Variants in RPS6KC1 observed in about 807,000 individuals in gnomAD.
The protein encoded by RPS6KC1 is ribosomal protein S6 kinase C1.
A neutral mutation model predicts 103.8 loss-of-function variants in RPS6KC1; 54 were observed. The observed-to-expected ratio is 0.52, with a 90% confidence interval of 0.42 to 0.65. RPS6KC1 has a LOEUF of 0.65. RPS6KC1 is among the 30% of genes least tolerant of loss of function. RPS6KC1 has a pLI of 0.00. For synonymous variants in RPS6KC1, 439 were observed against 438.7 expected, an observed-to-expected ratio of 1.00 and a Z score of -0.01; for missense variants, 1,151 against 1,253.8, an observed-to-expected ratio of 0.92 and a Z score of 1.24.
chr1:213,185,922 A>G (rs778835662), intron 8 of RPS6KC1, among the ~76,000 whole-genome samples: 1 of 151,714 alleles, frequency 6.6e-6, no homozygotes, highest in Admixed American at 6.6e-5. Flanking sequence ...TACAAAAAAT[A>G]TCTTACAAAT....
chr1:213,225,299 A>G (rs143445552), intron 8 of RPS6KC1, among the ~76,000 whole-genome samples: 22 of 152,320 alleles, frequency 1.4e-4, no homozygotes, highest in Non-Finnish European at 2.9e-4. Context: ...TATTGCCTCA[A>G]TGTGAACGTT....
chr1:213,559,351 G>A, the RPS6KC1 span, among the ~76,000 whole-genome samples: 907 of 152,260 alleles, frequency 6.0e-3, 9 homozygotes, highest in African/African-American at 0.017. Context: ...ATTGAATGCT[G>A]TCCTTTGGCA....
chr1:213,334,825 AT>A, the RPS6KC1 span, among the ~76,000 whole-genome samples: 20 of 152,074 alleles, frequency 1.3e-4, no homozygotes. Flanking sequence ...TTATCTATCC[AT>A]TTCCTGTATC....
the RPS6KC1 span, among the ~76,000 whole-genome samples, chr1:213,792,095 G>C: frequency 2.6e-5 from 4 of 152,012 alleles, no homozygotes. Context: ...CTGTGCCCCT[G>C]GCCCTCCCAC....
At chr1:213,501,976 A>G in the RPS6KC1 span, among the ~76,000 whole-genome samples, 1 of 152,142 alleles carries the variant, frequency 6.6e-6, no homozygotes, top group African/African-American at 2.4e-5. Context: ...TGTTCAGTGT[A>G]GAGCTCTGTC....
At chr1:213,289,253 C>CAAA in the RPS6KC1 span, among the ~76,000 whole-genome samples, 1,652 of 75,006 alleles carry the variant, frequency 0.022, 94 homozygotes, top group South Asian at 0.066. Flanking sequence ...GTTGGATGCT[C>CAAA]AAAAAAAAAA....
the RPS6KC1 span, among the ~76,000 whole-genome samples, chr1:213,357,407 G>A: frequency 1.3e-5 from 2 of 152,342 alleles, no homozygotes; most frequent in Admixed American, 6.5e-5. Flanking sequence ...GTGAGAGGGG[G>A]TAAGGATGTT....
intron 3 of RPS6KC1, among the ~76,000 whole-genome samples, chr1:213,099,361 G>A (rs1466957738): frequency 2.6e-5 from 4 of 152,074 alleles, no homozygotes; most frequent in Non-Finnish European, 5.9e-5. Flanking sequence ...TGTGGACAGT[G>A]ACATTTTGCT....
chr1:213,415,276 T>C, the RPS6KC1 span, among the ~76,000 whole-genome samples: 2 of 152,230 alleles, frequency 1.3e-5, no homozygotes, highest in African/African-American at 2.4e-5. Context: ...TTATTACCAA[T>C]GATCACATGG....
chr1:213,846,135 A>G, the RPS6KC1 span, among the ~76,000 whole-genome samples: 1 of 150,904 alleles, frequency 6.6e-6, no homozygotes, highest in Non-Finnish European at 1.5e-5. Flanking sequence ...AACTAAAAAA[A>G]AAAAAAAAAA....
intron 2 of RPS6KC1, among the ~76,000 whole-genome samples, chr1:213,072,611 A>G (rs886213866): frequency 1.3e-5 from 2 of 152,250 alleles, no homozygotes; most frequent in Middle Eastern, 6.8e-3. Context: ...TTCATTCCCT[A>G]CCAGGAAACA....
chr1:213,627,989 G>T, the RPS6KC1 span, among the ~76,000 whole-genome samples: 2 of 152,218 alleles, frequency 1.3e-5, no homozygotes, highest in South Asian at 4.1e-4. Context: ...AATAGTTTCA[G>T]AAGGAATGGT....
chr1:213,555,625 C>T, the RPS6KC1 span, among the ~76,000 whole-genome samples: 881 of 152,186 alleles, frequency 5.8e-3, 5 homozygotes, highest in African/African-American at 0.021. Flanking sequence ...GATTACTAGT[C>T]GTGAATAGTA....
At chr1:213,820,226 G>A in the RPS6KC1 span, 1 of 152,182 alleles carries the variant, frequency 6.6e-6, no homozygotes, top group Admixed American at 6.5e-5. Flanking sequence ...GGCATCCCGG[G>A]ACCCCAGGCT....
chr1:213,761,357 G>A, the RPS6KC1 span, among the ~76,000 whole-genome samples: 1 of 152,188 alleles, frequency 6.6e-6, no homozygotes, highest in Non-Finnish European at 1.5e-5. Context: ...GGCCACAGCA[G>A]CCAATATCTG....
the RPS6KC1 span, among the ~76,000 whole-genome samples, chr1:213,674,239 G>C: frequency 6.6e-6 from 1 of 152,088 alleles, no homozygotes; most frequent in Non-Finnish European, 1.5e-5. Context: ...GACTGGTCTT[G>C]AACTCCTAAT....
At chr1:213,437,628 C>G in the RPS6KC1 span, among the ~76,000 whole-genome samples, 1 of 151,982 alleles carries the variant, frequency 6.6e-6, no homozygotes, top group Non-Finnish European at 1.5e-5. Context: ...GAGTTTTAAA[C>G]TATCAATTCA....
intron 6 of RPS6KC1, among the ~76,000 whole-genome samples, chr1:213,133,746 CT>C (rs2085931440): frequency 6.6e-6 from 1 of 152,074 alleles, no homozygotes; most frequent in African/African-American, 2.4e-5. Flanking sequence ...AAAACTAAGA[CT>C]TACATAAATT....
chr1:213,522,091 A>G, the RPS6KC1 span, among the ~76,000 whole-genome samples: 6 of 152,234 alleles, frequency 3.9e-5, no homozygotes. Flanking sequence ...TGTATTTCTC[A>G]AATAATAAGA....
Sources: gnomAD v4.1 joint callset for allele counts (sites outside exome capture counted in the v4.1 genomes callset) on GRCh38, gnomAD v4.1.1 for gene constraint, MANE v1.5 for transcripts, NCBI Gene and HGNC (gene_info 2026-07-23, HGNC 2026-07-21) for gene names.